The following PPIG variants were observed in gnomAD, a reference collection of about 807,000 sequenced individuals.
PPIG encodes peptidyl-prolyl cis-trans isomerase G.
A neutral mutation model predicts 87.9 loss-of-function variants in PPIG; 26 were observed. The ratio of observed to expected loss-of-function variants is 0.30; its 90% CI spans 0.22 to 0.41. The LOEUF is 0.41. Ranked by LOEUF, PPIG falls within the 10% of genes least tolerant of loss-of-function variation. The pLI, the probability that PPIG is intolerant of heterozygous loss-of-function variation, is 1.00. For missense variants in PPIG, 722 were observed against 879.4 expected (o/e 0.82, Z 2.26); for synonymous variants, 308 against 276.5 (o/e 1.11, Z -1.13).
At chr2:169,627,563 G>C (rs1227423792) in intron 9 of PPIG, among the ~76,000 whole-genome samples, 2 of 152,042 alleles carry the variant, frequency 1.3e-5, no homozygotes, top group African/African-American at 4.8e-5. Context: ...TTCTCACTCT[G>C]TTCCCCAGGC....
At chr2:169,598,897 A>C (rs1685099936) in intron 1 of PPIG, among the ~76,000 whole-genome samples, 1 of 149,998 alleles carries the variant, frequency 6.7e-6, no homozygotes. Flanking sequence ...ATATTTATGT[A>C]AATATAGGTA....
At chr2:169,634,357 C>T (rs1338952829) in intron 12 of PPIG, among the ~76,000 whole-genome samples, 1 of 152,120 alleles carries the variant, frequency 6.6e-6, no homozygotes, top group East Asian at 1.9e-4. Flanking sequence ...CCACCGTGTC[C>T]ACCCATTTAC....
chr2:169,590,113 C>G (rs1404584904), intron 1 of PPIG, among the ~76,000 whole-genome samples: 1 of 129,638 alleles, frequency 7.7e-6, no homozygotes, highest in Admixed American at 8.9e-5. Flanking sequence ...AACTCTGTCT[C>G]AACAACGACA....
chr2:169,617,187 TC>T (rs1387103721), intron 9 of PPIG, among the ~76,000 whole-genome samples: 1 of 152,200 alleles, frequency 6.6e-6, no homozygotes, highest in Non-Finnish European at 1.5e-5. Context: ...TGGCGTTATT[TC>T]TGAGGCCTCT....
intron 12 of PPIG, among the ~76,000 whole-genome samples, chr2:169,633,833 C>G (rs894570818): frequency 4.0e-5 from 4 of 99,764 alleles, no homozygotes; most frequent in African/African-American, 1.5e-4. Context: ...TTTCCACCCC[C>G]CCCTTTTTTT....
intron 9 of PPIG, among the ~76,000 whole-genome samples, chr2:169,626,581 G>T (rs10208885): frequency 0.6 from 90,643 of 151,964 alleles, 27,670 homozygotes; most frequent in African/African-American, 0.73. Flanking sequence ...TAGTAGAGAC[G>T]GGTTCACCAT....
chr2:169,610,367 G>A (rs1398361588), intron 7 of PPIG, among the ~76,000 whole-genome samples: 1 of 152,140 alleles, frequency 6.6e-6, no homozygotes, highest in African/African-American at 2.4e-5. Context: ...AAGTTTAAAA[G>A]TGACTTAAAT....
At chr2:169,623,146 C>G (rs1685800895) in intron 9 of PPIG, among the ~76,000 whole-genome samples, 4 of 152,064 alleles carry the variant, frequency 2.6e-5, no homozygotes, top group African/African-American at 9.7e-5. Context: ...CCAGCAGATG[C>G]AGAGATGGAA....
chr2:169,615,199 C>G (rs1685581205), intron 9 of PPIG, among the ~76,000 whole-genome samples: 1 of 152,116 alleles, frequency 6.6e-6, no homozygotes, highest in South Asian at 2.1e-4. Flanking sequence ...CAAGCGCCCA[C>G]CACCACACCC....
intron 7 of PPIG, among the ~76,000 whole-genome samples, chr2:169,609,166 CTA>C (rs893044844): frequency 2.6e-5 from 4 of 151,390 alleles, no homozygotes; most frequent in African/African-American, 9.7e-5. Context: ...GGAGAGGAAT[CTA>C]TGAGGGACGG....
chr2:169,585,551 G>T (rs990934385), intron 1 of PPIG, among the ~76,000 whole-genome samples: 1 of 152,048 alleles, frequency 6.6e-6, no homozygotes, highest in Non-Finnish European at 1.5e-5. Flanking sequence ...GAGCCACCGC[G>T]CACGGCCAGC....
chr2:169,606,799 T>G (rs1685343659), intron 5 of PPIG, among the ~76,000 whole-genome samples: 1 of 152,194 alleles, frequency 6.6e-6, no homozygotes, highest in Admixed American at 6.5e-5. Context: ...AACTATAGTT[T>G]TAAAAAACTT....
At chr2:169,632,765 T>TAATAAC (rs1171181237) in intron 11 of PPIG, among the ~76,000 whole-genome samples, 14 of 151,402 alleles carry the variant, frequency 9.2e-5, no homozygotes, top group South Asian at 2.1e-4. Context: ...ATAATAATAA[T>TAATAAC]AACTATGTCC....
chr2:169,608,607 G>A (rs967471781), intron 6 of PPIG, 64 bp from the exon 7 acceptor site: 6 of 992,624 alleles, frequency 6.0e-6, no homozygotes, highest in Admixed American at 3.8e-5. Context: ...ATGAATAGAA[G>A]TGAAGATGAA....
chr2:169,598,416 G>A (rs1204951268), intron 1 of PPIG, among the ~76,000 whole-genome samples: 1 of 151,892 alleles, frequency 6.6e-6, no homozygotes, highest in Non-Finnish European at 1.5e-5. Context: ...TCAGCCTCCT[G>A]AGTAGCTGGG....
At chr2:169,588,958 C>CAA (rs549776875) in intron 1 of PPIG, among the ~76,000 whole-genome samples, 176 of 68,250 alleles carry the variant, frequency 2.6e-3, no homozygotes, top group African/African-American at 3.4e-3. Flanking sequence ...AACTCCCTCT[C>CAA]AAAAAAAAAA....
intron 1 of PPIG, among the ~76,000 whole-genome samples, chr2:169,587,691 CAG>C (rs1553542641): frequency 1.3e-5 from 2 of 152,122 alleles, no homozygotes; most frequent in Non-Finnish European, 2.9e-5. Context: ...TTACTACAGA[CAG>C]TATTCAGAGA....
chr2:169,634,995 C>T (rs1433222567), intron 12 of PPIG, among the ~76,000 whole-genome samples: 2 of 152,070 alleles, frequency 1.3e-5, no homozygotes, highest in African/African-American at 4.8e-5. Context: ...GCACACATTC[C>T]ATTAGCTGTG....
intron 10 of PPIG, chr2:169,631,502 CACAT>C (rs1686050857): frequency 2.9e-6 from 3 of 1,040,260 alleles, no homozygotes; most frequent in Non-Finnish European, 3.7e-6. Flanking sequence ...GTGCATTGCT[CACAT>C]AGTTTCATAT....
Sources: allele counts gnomAD v4.1 joint callset (sites outside exome capture counted in the v4.1 genomes callset), GRCh38; gene constraint gnomAD v4.1.1; transcripts MANE v1.5; gene names NCBI Gene and HGNC (gene_info 2026-07-23, HGNC 2026-07-21).